The following PAWR variants were observed in gnomAD, a reference collection of about 807,000 sequenced individuals.
PAWR encodes the protein pro-apoptotic WT1 regulator.
Under a neutral mutation model 32.0 loss-of-function variants are expected in PAWR, and 23 were observed. The observed-to-expected ratio is 0.72, with a 90% CI of 0.52 to 1.02. The LOEUF is 1.02. Ranked by LOEUF, PAWR falls within the 50% of genes least tolerant of loss-of-function variation. The pLI is 0.00. For missense variants in PAWR, 457 were observed against 437.7 expected (o/e 1.04, Z -0.39); for synonymous variants, 226 against 187.1 (o/e 1.21, Z -1.70).
intron 1 of PAWR, 180 bp downstream of exon 1, chr12:79,690,685 GACCCGCC>G (rs1878976722): frequency 6.5e-6 from 1 of 153,512 alleles, no homozygotes. Context: ...ACTAGGGCTA[GACCCGCC>G]ACCTGTCGGC....
chr12:79,606,321 C>T (rs1371206599), intron 4 of PAWR, among the ~76,000 whole-genome samples: 1 of 152,070 alleles, frequency 6.6e-6, no homozygotes, highest in Non-Finnish European at 1.5e-5. Context: ...AACTGTACAC[C>T]TTAAAAGAGT....
intron 2 of PAWR, among the ~76,000 whole-genome samples, chr12:79,651,872 C>T (rs1259690466): frequency 6.6e-6 from 1 of 152,098 alleles, no homozygotes; most frequent in Non-Finnish European, 1.5e-5. Flanking sequence ...TACCAAGCTA[C>T]CAATGAATGA....
chr12:79,587,903 T>A lies in PAWR; in HGVS notation c.*4704A>T, dbSNP rs1302652269. Reference sequence around the variant, plus strand: ...ATAAAAACCTATGAAATGGGAATGATCAAAGCTGTCTAACACAATACTAAT... The same window carrying A: ...ATAAAAACCTATGAAATGGGAATGAACAAAGCTGTCTAACACAATACTAAT... On this transcript the variant is annotated 3_prime_UTR_variant, in exon 7 of 7. Coordinates refer to ENST00000328827, the MANE Select transcript of PAWR (RefSeq NM_002583.4). 1 of 103,056 alleles carries A rather than the reference T, an allele frequency of 9.7e-6. No homozygotes were observed. The highest frequency in any genetic ancestry group is 1.1e-4 in the Admixed American group (1 of 9,480). The allele number at this position is 103,056 out of a possible 1,614,324, so 6.4% of individuals were successfully genotyped here. A position where few individuals can be genotyped will look rare whatever the true frequency, so the allele number is the denominator to read the frequency against.
rs1441102613 is a variant in PAWR at position 79,591,409 on chromosome 12, T to C, written c.*1198A>G. 3 of 152,186 alleles carry C rather than the reference T, an allele frequency of 2.0e-5. No homozygotes were observed. Among genetic ancestry groups the C allele is most frequent in the African/African-American group, 4.8e-5 (2 of 41,448 alleles). 9.4% of individuals were successfully genotyped at this position (152,186 alleles called of 1,614,324 possible). ...TTAACTAGATAAAAGGATACCATAC[T>C]GCTATTTGAAATTCAATCACAAAGC... On this transcript the variant is annotated 3_prime_UTR_variant, in exon 7 of 7. Transcript: ENST00000328827.
chr12:79,689,763 C>T lies in PAWR; in HGVS notation c.482G>A (p.Arg161His). The change falls in exon 2 of 7, where the codon CGC becomes CAC. Residue 161 changes from arginine to histidine, a missense_variant. Physicochemically the swap from Arg to His is conservative, Grantham distance 29. Transcript: ENST00000328827. ...IEKRKLREKR[R>H]STGVVNIPAA... ...AGGGATGTTGACCACGCCGGTGGAGCGCCGCTTCTCCCGCAGCTTCCTCTT... is the reference window on the plus strand; with the variant it reads ...AGGGATGTTGACCACGCCGGTGGAGTGCCGCTTCTCCCGCAGCTTCCTCTT... 6.3e-7 allele frequency: 1 copy of T among 1,579,758 alleles called. No homozygotes were observed. Among genetic ancestry groups the T allele is most frequent in the Non-Finnish European group, 8.6e-7 (1 of 1,164,854 alleles).
intron 2 of PAWR, among the ~76,000 whole-genome samples, chr12:79,683,707 A>C (rs1418210059): frequency 6.6e-6 from 1 of 152,116 alleles, no homozygotes; most frequent in Non-Finnish European, 1.5e-5. Flanking sequence ...ATTAAGGTGA[A>C]AGTATTACAC....
intron 2 of PAWR, among the ~76,000 whole-genome samples, chr12:79,639,835 TTCCTATTCC>T (rs1876199992): frequency 7.9e-5 from 6 of 75,518 alleles, no homozygotes; most frequent in South Asian, 5.6e-4. Flanking sequence ...TCCTTTTCCA[TTCCTATTCC>T]TATTCCTATT....
At chr12:79,627,369 T>C (rs190249732) in intron 2 of PAWR, among the ~76,000 whole-genome samples, 7 of 152,382 alleles carry the variant, frequency 4.6e-5, no homozygotes, top group African/African-American at 1.7e-4. Context: ...CATGTGTTTT[T>C]TGGCTGCATA....
chr12:79,603,665 C>CTT (rs1592493827), intron 4 of PAWR: 1 of 141,468 alleles, frequency 7.1e-6, no homozygotes, highest in East Asian at 2.1e-4. Context: ...CATCATTATG[C>CTT]TATTTTTTTT....
intron 2 of PAWR, among the ~76,000 whole-genome samples, chr12:79,662,605 C>G (rs1877403919): frequency 6.6e-6 from 1 of 152,202 alleles, no homozygotes; most frequent in Non-Finnish European, 1.5e-5. Context: ...CAGCTCACTT[C>G]CTTCTACAAG....
At chr12:79,654,470 AT>A in intron 2 of PAWR, among the ~76,000 whole-genome samples, 1 of 152,248 alleles carries the variant, frequency 6.6e-6, no homozygotes, top group East Asian at 1.9e-4. Context: ...CTTCCCATAA[AT>A]CAAACAACCA....
Position 79,588,819 on chromosome 12 carries a change from G to GGACTCA in PAWR, c.*3782_*3787dup, listed in dbSNP as rs1449004591. On this transcript the variant is annotated 3_prime_UTR_variant, in exon 7 of 7. Coordinates refer to ENST00000328827, the MANE Select transcript of PAWR (RefSeq NM_002583.4). ...TAGCTAAGTAAAATAAAAACAATAT[G>GGACTCA]GACTCAGATTTTCTTAGGAGATATT... 2 of 151,840 alleles carry GGACTCA rather than the reference G, an allele frequency of 1.3e-5. No homozygotes were observed. The highest frequency in any genetic ancestry group is 2.4e-5 in the African/African-American group (1 of 41,382). The allele number at this position is 151,840 out of a possible 1,614,324, so 9.4% of individuals were successfully genotyped here.
chr12:79,667,616 T>C (rs1383252031), intron 2 of PAWR, among the ~76,000 whole-genome samples: 4 of 152,172 alleles, frequency 2.6e-5, no homozygotes, highest in African/African-American at 9.6e-5. Flanking sequence ...ATATATGAGA[T>C]ACCCATGAAA....
intron 2 of PAWR, among the ~76,000 whole-genome samples, chr12:79,669,024 A>C (rs1877754724): frequency 6.6e-6 from 1 of 152,250 alleles, no homozygotes; most frequent in Non-Finnish European, 1.5e-5. Flanking sequence ...GGAAGAATGA[A>C]GTACATTTTT....
At chr12:79,631,935 C>T (rs948724210) in intron 2 of PAWR, among the ~76,000 whole-genome samples, 7 of 151,816 alleles carry the variant, frequency 4.6e-5, no homozygotes, top group African/African-American at 1.7e-4. Flanking sequence ...GAGTTCGAGA[C>T]CAGCCTGGGG....
rs570371482 is a variant in PAWR at position 79,585,294 on chromosome 12, G to A, written c.*7313C>T. Reference sequence around the variant, plus strand: ...ACTTAGGCCTGCATCAAAATTACATGAAGCGCTTGTTAAAACAGATTGAGC... The same window carrying A: ...ACTTAGGCCTGCATCAAAATTACATAAAGCGCTTGTTAAAACAGATTGAGC... On this transcript the variant is annotated 3_prime_UTR_variant, in exon 7 of 7. Transcript: ENST00000328827. The A allele has an allele frequency of 9.7e-6, 3 of 308,204 alleles. No individual in the cohort carries two copies. Among genetic ancestry groups the A allele is most frequent in the East Asian group, 9.5e-5 (1 of 10,574 alleles). The allele number at this position is 308,204 out of a possible 1,614,324, so 19.1% of individuals were successfully genotyped here.
chr12:79,593,734 C>A (rs1449323293), intron 6 of PAWR, among the ~76,000 whole-genome samples: 27 of 134,176 alleles, frequency 2.0e-4, no homozygotes, highest in South Asian at 5.8e-4. Flanking sequence ...CAGAGTCTTA[C>A]TCTTGCTGCC....
chr12:79,596,795 G>A, intron 4 of PAWR, 137 bp from the exon 5 acceptor site: 1 of 540,324 alleles, frequency 1.9e-6, no homozygotes. Context: ...TGTAACTGTA[G>A]AAGTTAATCA....
chr12:79,667,387 A>C (rs1382190683), intron 2 of PAWR, among the ~76,000 whole-genome samples: 1 of 152,242 alleles, frequency 6.6e-6, no homozygotes, highest in African/African-American at 2.4e-5. Flanking sequence ...CTCTAGTTTA[A>C]ATCTAAATTT....
Sources: gnomAD v4.1 joint callset for allele counts (sites outside exome capture counted in the v4.1 genomes callset) on GRCh38, gnomAD v4.1.1 for gene constraint, MANE v1.5 for transcripts, NCBI Gene and HGNC (gene_info 2026-07-23, HGNC 2026-07-21) for gene names.